The following TRAPPC12 variants were observed in gnomAD, a reference collection of about 807,000 sequenced individuals.
TRAPPC12 encodes TPR repeat protein 15.
Under a neutral mutation model 69.2 loss-of-function variants are expected in TRAPPC12, and 61 were observed. The observed-to-expected ratio is 0.88, with a 90% CI of 0.72 to 1.09. The LOEUF is 1.09. Ranked by LOEUF, TRAPPC12 falls within the 50% of genes least tolerant of loss-of-function variation. The pLI is 0.00. For missense variants in TRAPPC12, 1,101 were observed against 1,016.4 expected (o/e 1.08, Z -1.13); for synonymous variants, 469 against 438.9 (o/e 1.07, Z -0.86).
chr2:3,393,423 C>T (rs1260492373), intron 2 of TRAPPC12, among the ~76,000 whole-genome samples: 1 of 152,130 alleles, frequency 6.6e-6, no homozygotes, highest in Non-Finnish European at 1.5e-5. Flanking sequence ...GTACATTTAA[C>T]ATGGTGACTA....
chr2:3,450,315 A>C (rs1039681776), intron 6 of TRAPPC12, among the ~76,000 whole-genome samples: 1 of 152,194 alleles, frequency 6.6e-6, no homozygotes, highest in Non-Finnish European at 1.5e-5. Context: ...TCTCGGCAGT[A>C]TGTGTTCTGT....
At chr2:3,470,849 C>T (rs914967050) in intron 9 of TRAPPC12, among the ~76,000 whole-genome samples, 6 of 152,118 alleles carry the variant, frequency 3.9e-5, no homozygotes, top group Non-Finnish European at 1.5e-5. Context: ...TTTGGGAAAA[C>T]GTGCTATAAA....
At chr2:3,432,030 A>T (rs534261727) in intron 5 of TRAPPC12, among the ~76,000 whole-genome samples, 1 of 152,356 alleles carries the variant, frequency 6.6e-6, no homozygotes, top group South Asian at 2.1e-4. Context: ...GAATTTTTAA[A>T]GTACCACATT....
intron 5 of TRAPPC12, among the ~76,000 whole-genome samples, chr2:3,432,062 A>G (rs891699072): frequency 6.6e-6 from 1 of 152,234 alleles, no homozygotes; most frequent in Non-Finnish European, 1.5e-5. Context: ...TGCTCACTTC[A>G]AGTTTCCATG....
intron 6 of TRAPPC12, among the ~76,000 whole-genome samples, chr2:3,444,317 T>C (rs1664393574): frequency 6.6e-6 from 1 of 152,248 alleles, no homozygotes; most frequent in African/African-American, 2.4e-5. Flanking sequence ...AAGTAAGTGC[T>C]TCTGCATTAT....
At chr2:3,393,235 T>C (rs1480122132) in intron 2 of TRAPPC12, among the ~76,000 whole-genome samples, 1 of 150,750 alleles carries the variant, frequency 6.6e-6, no homozygotes, top group Non-Finnish European at 1.5e-5. Flanking sequence ...GACATTAGGT[T>C]AAGTGAAATA....
At chr2:3,434,001 T>G (rs1417060720) in intron 5 of TRAPPC12, among the ~76,000 whole-genome samples, 1 of 152,220 alleles carries the variant, frequency 6.6e-6, no homozygotes. Context: ...ATGGAGGATT[T>G]CAGTGAGATT....
At chr2:3,388,894 A>C in intron 2 of TRAPPC12, 2 of 474,950 alleles carry the variant, frequency 4.2e-6, no homozygotes, top group Non-Finnish European at 3.7e-6. Context: ...GTAGAAATAA[A>C]TACCACCAAG....
chr2:3,429,455 C>T (rs923136853), intron 5 of TRAPPC12, among the ~76,000 whole-genome samples: 2 of 152,178 alleles, frequency 1.3e-5, no homozygotes, highest in Non-Finnish European at 2.9e-5. Flanking sequence ...TCATGCATCT[C>T]CAGGGACAGA....
Position 3,414,077 on chromosome 2 carries a change from C to G in TRAPPC12, c.1165-7804C>G, listed in dbSNP as rs534118277. On this transcript the variant is annotated intron_variant, in intron 3 of 11. Transcript: ENST00000324266. The surrounding 1 kb of genome is among the most constrained non-coding windows in gnomAD (Gnocchi z 4.9). Reference sequence around the variant, plus strand: ...ATCCTTTTTATTCACGTAATACCCCCCAAAGAATTAGAAAACTAGGTACCC... The same window carrying G: ...ATCCTTTTTATTCACGTAATACCCCGCAAAGAATTAGAAAACTAGGTACCC... Among the ~76,000 whole-genome samples, 44 of 152,164 alleles carry G rather than the reference C, an allele frequency of 2.9e-4. No homozygotes were observed. Among genetic ancestry groups the G allele is most frequent in the African/African-American group, 1.0e-3 (42 of 41,480 alleles).
intron 8 of TRAPPC12, among the ~76,000 whole-genome samples, chr2:3,464,684 G>A (rs566157071): frequency 2.9e-3 from 439 of 152,320 alleles, no homozygotes; most frequent in South Asian, 5.2e-3. Flanking sequence ...GAGAGAGCCC[G>A]GGTTTGCTGG....
chr2:3,388,448 G>A lies in TRAPPC12; in HGVS notation c.825G>A (p.Ala275=). The A allele has an allele frequency of 6.2e-7, 1 of 1,609,880 alleles. No homozygotes were observed. ...GGCCCCAGGCAGCTGCGCCCCCGGC[G>A]TCGCCAGAGCCTTTCGCGCACATCC... ...MRGPQAAAPP[A]SPEPFAHIQA... Residue 275 remains alanine, a synonymous_variant, in exon 2 of 12, where the codon GCG becomes GCA. Transcript: ENST00000324266.
At chr2:3,471,457 C>A (rs1666056314) in intron 9 of TRAPPC12, among the ~76,000 whole-genome samples, 2 of 152,196 alleles carry the variant, frequency 1.3e-5, no homozygotes, top group Admixed American at 1.3e-4. Context: ...TCAAAACTCA[C>A]ATGCCTGCTG....
At chr2:3,405,623 T>G (rs558705088) in intron 3 of TRAPPC12, among the ~76,000 whole-genome samples, 18 of 152,362 alleles carry the variant, frequency 1.2e-4, no homozygotes, top group African/African-American at 4.1e-4. Context: ...AAGCCTCTTC[T>G]CTTTCCAGCA....
chr2:3,477,284 G>A (rs1231691617), intron 9 of TRAPPC12, among the ~76,000 whole-genome samples: 3 of 152,222 alleles, frequency 2.0e-5, no homozygotes, highest in Non-Finnish European at 4.4e-5. Flanking sequence ...CAAATGTGGT[G>A]GCACCTACCA....
chr2:3,406,561 C>T (rs995512969), intron 3 of TRAPPC12, among the ~76,000 whole-genome samples: 2 of 152,212 alleles, frequency 1.3e-5, no homozygotes, highest in African/African-American at 4.8e-5. Flanking sequence ...GATGGAGATA[C>T]TCTTTTTTAA....
At position 3,388,026 on chromosome 2, in the gene TRAPPC12, G is replaced by T; in HGVS notation, c.403G>T (p.Ala135Ser). ...PSSGGAPRQD[A>S]AREVPGSEAA... ...TAGCGGAGGGGCCCCGAGGCAGGACGCGGCCCGCGAGGTCCCAGGCAGCGA... is the reference window on the plus strand; with the variant it reads ...TAGCGGAGGGGCCCCGAGGCAGGACTCGGCCCGCGAGGTCCCAGGCAGCGA... The change falls in exon 2 of 12, where the codon GCG becomes TCG. Residue 135 changes from alanine to serine, a missense_variant. By Grantham distance (99) the Ala-to-Ser change is moderately conservative. Coordinates refer to ENST00000324266, the MANE Select transcript of TRAPPC12 (RefSeq NM_016030.6). The T allele has an allele frequency of 2.7e-6, 4 of 1,474,222 alleles. No homozygotes were observed. Among genetic ancestry groups the T allele is most frequent in the Non-Finnish European group, 3.6e-6 (4 of 1,119,358 alleles). The allele number at this position is 1,474,222 out of a possible 1,614,324, so 91.3% of individuals were successfully genotyped here. A position where few individuals can be genotyped will look rare whatever the true frequency, so the allele number is the denominator to read the frequency against.
At chr2:3,459,694 T>G (rs956231298) in intron 7 of TRAPPC12, among the ~76,000 whole-genome samples, 5 of 152,050 alleles carry the variant, frequency 3.3e-5, no homozygotes, top group Non-Finnish European at 5.9e-5. Context: ...TGCAGGGGAG[T>G]GCCGAGTCCC....
chr2:3,391,759 C>G (rs1169356298), intron 2 of TRAPPC12, among the ~76,000 whole-genome samples: 3 of 152,056 alleles, frequency 2.0e-5, no homozygotes, highest in Admixed American at 2.0e-4. Context: ...TACCTGTACT[C>G]CCACTCCCTG....
Sources: allele counts gnomAD v4.1 joint callset (sites outside exome capture counted in the v4.1 genomes callset), GRCh38; gene constraint gnomAD v4.1.1; non-coding constraint Gnocchi (gnomAD v3.1); transcripts MANE v1.5; gene names NCBI Gene and HGNC (gene_info 2026-07-23, HGNC 2026-07-21).